The following DTNA variants were observed in gnomAD, a reference collection of about 807,000 sequenced individuals.
The protein encoded by DTNA is dystrobrevin alpha.
Under a neutral mutation model 100.7 loss-of-function variants are expected in DTNA, and 43 were observed. The observed-to-expected ratio is 0.43, with a 90% CI of 0.33 to 0.55. The LOEUF (loss-of-function observed/expected upper bound fraction) is 0.55, where lower values mean the gene tolerates loss of function less well. DTNA is among the 20% of genes least tolerant of loss of function. The pLI is 0.04. For synonymous variants in DTNA, 349 were observed against 347.9 expected (o/e 1.00, Z -0.04); for missense variants, 798 against 953.9 (o/e 0.84, Z 2.15).
At chr18:34,718,976 A>T (rs1314642431) in intron 1 of DTNA, among the ~76,000 whole-genome samples, 1 of 152,120 alleles carries the variant, frequency 6.6e-6, no homozygotes, top group African/African-American at 2.4e-5. Flanking sequence ...TAACCTATTT[A>T]AGGCAATTAA....
intron 16 of DTNA, among the ~76,000 whole-genome samples, chr18:34,859,600 A>G (rs1053934279): frequency 8.5e-5 from 13 of 152,212 alleles, no homozygotes; most frequent in African/African-American, 3.1e-4. Flanking sequence ...TCCATTATTC[A>G]TCTGCCTCAC....
At chr18:34,686,238 T>C (rs56114334) in intron 1 of DTNA, among the ~76,000 whole-genome samples, 17,784 of 152,180 alleles carry the variant, frequency 0.12, 1,586 homozygotes, top group African/African-American at 0.25. Flanking sequence ...GGAATGCTTC[T>C]GGCTTTTGCC....
At chr18:34,825,376 A>C (rs2095836701) in intron 9 of DTNA, 1 of 1,440,468 alleles carries the variant, frequency 6.9e-7, no homozygotes, top group Admixed American at 1.7e-5. Flanking sequence ...AGGCTAGTTT[A>C]GAACTAAGTC....
chr18:34,663,245 G>A (rs542401436), intron 1 of DTNA, among the ~76,000 whole-genome samples: 45 of 152,072 alleles, frequency 3.0e-4, no homozygotes, highest in Non-Finnish European at 5.3e-4. Context: ...CCTTGACCCC[G>A]TGGGCTCAAG....
At chr18:34,523,798 A>G (rs900505957) in intron 1 of DTNA, among the ~76,000 whole-genome samples, 1 of 152,194 alleles carries the variant, frequency 6.6e-6, no homozygotes, top group Non-Finnish European at 1.5e-5. Context: ...TAATGAGACA[A>G]TATCTAGTGA....
At position 34,531,860 on chromosome 18, in the gene DTNA, T is replaced by C. The variant is rs961963375; in HGVS notation, c.-2+38346T>C. Among the ~76,000 whole-genome samples, 5 of 152,152 alleles carry C rather than the reference T, an allele frequency of 3.3e-5. No individual in the cohort carries two copies. In the South Asian group the frequency reaches 1.0e-3, roughly 31 times the overall value. ...AATTTTTAAGTGGCCAAACAGAGGT[T>C]TTTGGCTTTTAGTTCTGTTAAAAAG... is the stretch of plus-strand genomic sequence containing the variant. On this transcript the variant is annotated intron_variant, in intron 1 of 19. Transcript: ENST00000283365.
At position 34,500,495 on chromosome 18, in the gene DTNA, A is replaced by G. The variant is rs929737575; in HGVS notation, c.-2+6981A>G. Among the ~76,000 whole-genome samples the G allele has an allele frequency of 2.0e-5, 3 of 150,822 alleles. 1 individual carries two copies. Among genetic ancestry groups the G allele is most frequent in the African/African-American group, 7.3e-5 (3 of 40,886 alleles). On this transcript the variant is annotated intron_variant, in intron 1 of 19. Transcript: ENST00000283365. ...TTTGTTTGTTTTGAGACTGAGTCTCATTCTGTCGCCCAGGCTGGAGCGCAA... is the reference window on the plus strand; with the variant it reads ...TTTGTTTGTTTTGAGACTGAGTCTCGTTCTGTCGCCCAGGCTGGAGCGCAA...
intron 1 of DTNA, among the ~76,000 whole-genome samples, chr18:34,552,382 T>C (rs1437120153): frequency 1.3e-5 from 2 of 152,124 alleles, no homozygotes; most frequent in African/African-American, 4.8e-5. Flanking sequence ...TTAACTATTT[T>C]TTTTTTAAAT....
intron 13 of DTNA, among the ~76,000 whole-genome samples, chr18:34,841,490 G>T (rs1319205795): frequency 1.3e-5 from 2 of 152,150 alleles, no homozygotes; most frequent in African/African-American, 2.4e-5. Flanking sequence ...AAAAGGGCAA[G>T]AGTTTTGTCT....
chr18:34,629,309 C>A (rs1430631813), intron 1 of DTNA, among the ~76,000 whole-genome samples: 1 of 152,116 alleles, frequency 6.6e-6, no homozygotes, highest in Non-Finnish European at 1.5e-5. Context: ...CAATACTTAC[C>A]AAAGTGTTCT....
At chr18:34,668,766 TTTG>T (rs2076309280) in intron 1 of DTNA, among the ~76,000 whole-genome samples, 1 of 152,194 alleles carries the variant, frequency 6.6e-6, no homozygotes, top group Non-Finnish European at 1.5e-5. Flanking sequence ...TGAGTTCTAG[TTTG>T]ATTGCACTGT....
At chr18:34,611,613 A>T (rs1214422634) in intron 1 of DTNA, among the ~76,000 whole-genome samples, 2 of 152,202 alleles carry the variant, frequency 1.3e-5, no homozygotes, top group Non-Finnish European at 2.9e-5. Context: ...ACCAGGGGTA[A>T]AACTCAGAGC....
intron 3 of DTNA, among the ~76,000 whole-genome samples, chr18:34,777,591 G>A (rs970040701): frequency 1.2e-4 from 19 of 152,194 alleles, no homozygotes; most frequent in Non-Finnish European, 2.6e-4. Context: ...CATTCCATGT[G>A]GCTGGGGAGG....
intron 1 of DTNA, among the ~76,000 whole-genome samples, chr18:34,529,630 G>A (rs536418808): frequency 1.3e-5 from 2 of 152,282 alleles, no homozygotes; most frequent in South Asian, 4.1e-4. Context: ...TCCCCATGGA[G>A]AGTCACAAAG....
At chr18:34,807,033 A>G (rs1418759111) in intron 5 of DTNA, among the ~76,000 whole-genome samples, 1 of 152,236 alleles carries the variant, frequency 6.6e-6, no homozygotes. Context: ...GGTGGTTCAC[A>G]AATTTTAGCA....
chr18:34,890,235 A>G lies in DTNA; in HGVS notation c.*2501A>G. ...GATATCGTCATATAAAGCCATTGCA[A>G]GGACTCTGGAAACTGCCGCCAATGA... On this transcript the variant is annotated 3_prime_UTR_variant, in exon 23 of 23. Transcript: ENST00000444659. 4 of 1,499,966 alleles carry G rather than the reference A, an allele frequency of 2.7e-6. No homozygotes were observed. Among genetic ancestry groups the G allele is most frequent in the Non-Finnish European group, 3.5e-6 (4 of 1,129,708 alleles). The allele number at this position is 1,499,966 out of a possible 1,614,324, so 92.9% of individuals were successfully genotyped here. A position where few individuals can be genotyped will look rare whatever the true frequency, so the allele number is the denominator to read the frequency against.
chr18:34,567,660 A>T lies in DTNA; in HGVS notation c.-2+74146A>T, dbSNP rs1598627926. Among the ~76,000 whole-genome samples, 4 of 152,308 alleles carry T rather than the reference A, an allele frequency of 2.6e-5. No individual in the cohort carries two copies. The South Asian group carries it at 8.3e-4, about 32-fold the overall frequency. The stretch of plus-strand genomic sequence containing the variant: ...GTCAACAGCTTTTGTCTTAGGGTTA[A>T]ACCATGCAATGTTATAGATCTTAAA... On this transcript the variant is annotated intron_variant, in intron 1 of 19. Transcript: ENST00000283365.
At chr18:34,878,489 G>A (rs1281372515) in intron 19 of DTNA, among the ~76,000 whole-genome samples, 1 of 151,944 alleles carries the variant, frequency 6.6e-6, no homozygotes, top group African/African-American at 2.4e-5. Context: ...ATCTTTTTTT[G>A]AGATGGGGTC....
rs1479492612 is a variant in DTNA at position 34,890,219 on chromosome 18, A to T, written c.*2485A>T. 4.8e-6 allele frequency: 7 copies of T among 1,470,934 alleles called. No individual in the cohort carries two copies. Among genetic ancestry groups the T allele is most frequent in the Non-Finnish European group, 5.4e-6 (6 of 1,117,218 alleles). The allele number at this position is 1,470,934 out of a possible 1,614,324, so 91.1% of individuals were successfully genotyped here. On this transcript the variant is annotated 3_prime_UTR_variant, in exon 23 of 23. Coordinates refer to ENST00000444659, the MANE Select transcript of DTNA (RefSeq NM_001386795.1). ...CCATCACATGGTTGTTGATATCGTC[A>T]TATAAAGCCATTGCAAGGACTCTGG...
Sources: gnomAD v4.1 joint callset for allele counts (sites outside exome capture counted in the v4.1 genomes callset) on GRCh38, gnomAD v4.1.1 for gene constraint, MANE v1.5 for transcripts, NCBI Gene and HGNC (gene_info 2026-07-23, HGNC 2026-07-21) for gene names.